Variants in LRRTM4 observed in about 807,000 individuals in gnomAD.
LRRTM4 encodes the protein leucine rich repeat transmembrane neuronal 4.
In LRRTM4, 25 loss-of-function variants were observed where a neutral mutation model predicts 47.6. The ratio of observed to expected loss-of-function variants is 0.53; its 90% CI spans 0.38 to 0.73. The LOEUF is 0.73. LRRTM4 is among the 30% of genes least tolerant of loss of function. The pLI, the probability that LRRTM4 is intolerant of heterozygous loss-of-function variation, is 0.00. For synonymous variants in LRRTM4, 311 were observed against 269.5 expected (o/e 1.15, Z -1.51); for missense variants, 638 against 713.4 (o/e 0.89, Z 1.20).
intron 3 of LRRTM4, among the ~76,000 whole-genome samples, chr2:77,153,704 T>C (rs190231218): frequency 5.3e-5 from 8 of 152,286 alleles, no homozygotes; most frequent in African/African-American, 1.9e-4. Context: ...CACTAAAAGT[T>C]ATGAATGCTT....
At chr2:76,886,182 A>G (rs6715191) in intron 3 of LRRTM4, among the ~76,000 whole-genome samples, 20,869 of 152,204 alleles carry the variant, frequency 0.14, 1,734 homozygotes, top group Admixed American at 0.21. Flanking sequence ...TAAAAGGTGT[A>G]TAACATTTTT....
At chr2:76,968,377 TATATATAC>T (rs1367718870) in intron 3 of LRRTM4, among the ~76,000 whole-genome samples, 23 of 130,624 alleles carry the variant, frequency 1.8e-4, no homozygotes, top group African/African-American at 6.8e-4. Flanking sequence ...TATATATATA[TATATATAC>T]ACATACATAC....
intron 3 of LRRTM4, among the ~76,000 whole-genome samples, chr2:77,338,705 C>T (rs889818362): frequency 6.6e-6 from 1 of 151,940 alleles, no homozygotes; most frequent in Non-Finnish European, 1.5e-5. Flanking sequence ...TTCTCAAATA[C>T]CTAAAAATGG....
At chr2:76,924,964 A>G (rs1407980964) in intron 3 of LRRTM4, among the ~76,000 whole-genome samples, 1 of 151,886 alleles carries the variant, frequency 6.6e-6, no homozygotes, top group African/African-American at 2.4e-5. Flanking sequence ...CTCTATTGAC[A>G]CGTGCCTTTG....
chr2:76,892,852 T>G (rs543120851), intron 3 of LRRTM4, among the ~76,000 whole-genome samples: 2 of 151,772 alleles, frequency 1.3e-5, no homozygotes, highest in South Asian at 2.1e-4. Context: ...TCCTCAAAAA[T>G]TTATTTGGGA....
intron 3 of LRRTM4, among the ~76,000 whole-genome samples, chr2:77,086,863 C>T (rs1680734087): frequency 6.6e-6 from 1 of 151,998 alleles, no homozygotes; most frequent in Non-Finnish European, 1.5e-5. Context: ...ATTAACAACA[C>T]AATTCAACGT....
intron 3 of LRRTM4, chr2:76,989,677 G>C (rs1676934548): frequency 1.0e-5 from 1 of 95,620 alleles, no homozygotes; most frequent in South Asian, 3.1e-4. Context: ...ATGGATCTCA[G>C]TGTGTTATTG....
chr2:76,810,692 T>C (rs1475619336), intron 3 of LRRTM4, among the ~76,000 whole-genome samples: 1 of 152,182 alleles, frequency 6.6e-6, no homozygotes, highest in Non-Finnish European at 1.5e-5. Flanking sequence ...TTAACTTCCT[T>C]ATTTAGTTTC....
intron 3 of LRRTM4, among the ~76,000 whole-genome samples, chr2:77,393,056 A>G (rs1673564824): frequency 1.3e-5 from 2 of 152,048 alleles, no homozygotes; most frequent in African/African-American, 4.8e-5. Context: ...ACAAAACATT[A>G]GAGCACACTA....
At chr2:76,779,736 TA>T (rs1465126593) in intron 3 of LRRTM4, among the ~76,000 whole-genome samples, 1 of 152,196 alleles carries the variant, frequency 6.6e-6, no homozygotes, top group African/African-American at 2.4e-5. Flanking sequence ...CTGTGTCTTT[TA>T]ATTGGAGCAT....
intron 3 of LRRTM4, among the ~76,000 whole-genome samples, chr2:77,422,418 A>T (rs564086482): frequency 2.0e-5 from 3 of 152,354 alleles, no homozygotes; most frequent in Non-Finnish European, 2.9e-5. Flanking sequence ...AAATGGTACC[A>T]GCAAGTTGCA....
At chr2:77,173,351 G>C (rs772308799) in intron 3 of LRRTM4, among the ~76,000 whole-genome samples, 7 of 152,010 alleles carry the variant, frequency 4.6e-5, no homozygotes, top group Non-Finnish European at 7.4e-5. Context: ...TTTTATTTTT[G>C]ATCTCCTCAT....
chr2:77,174,018 T>A (rs1673125745), intron 3 of LRRTM4, among the ~76,000 whole-genome samples: 1 of 152,132 alleles, frequency 6.6e-6, no homozygotes, highest in Non-Finnish European at 1.5e-5. Flanking sequence ...CCTTGGAGTA[T>A]CTTTTGGAAG....
At chr2:76,789,352 C>T (rs540992886) in intron 3 of LRRTM4, among the ~76,000 whole-genome samples, 40 of 152,310 alleles carry the variant, frequency 2.6e-4, no homozygotes, top group Admixed American at 6.5e-4. Context: ...TGCTGTCCCT[C>T]GCAGCCTCTT....
chr2:77,362,115 GAGAAAGAAAGAA>G (rs1230993221), intron 3 of LRRTM4, among the ~76,000 whole-genome samples: 133 of 98,828 alleles, frequency 1.3e-3, no homozygotes, highest in African/African-American at 3.2e-3. Context: ...GAAAGAAAGA[GAGAAAGAAAGAA>G]AGAAAGAAAG....
intron 3 of LRRTM4, among the ~76,000 whole-genome samples, chr2:77,142,215 A>G (rs1399319942): frequency 6.6e-6 from 1 of 152,156 alleles, no homozygotes; most frequent in Non-Finnish European, 1.5e-5. Context: ...ATGTATTAGA[A>G]CATTTACAAC....
chr2:77,517,018 A>C lies in LRRTM4; in HGVS notation c.1551+1300T>G, dbSNP rs575848073. On this transcript the variant is annotated intron_variant, in intron 3 of 3. Coordinates refer to ENST00000409884, the MANE Select transcript of LRRTM4 (RefSeq NM_001134745.3). ...TGTCTTTTGAAAGAGTGATCATCTA[A>C]AATCAGATACTAAAACATTATATTG... The C allele has an allele frequency of 2.6e-5, 26 of 984,882 alleles. No homozygotes were observed. The South Asian group carries it at 1.0e-3, about 39-fold the overall frequency. The allele number at this position is 984,882 out of a possible 1,614,324, so 61.0% of individuals were successfully genotyped here.
chr2:77,500,007 T>C (rs1295875143), intron 3 of LRRTM4, among the ~76,000 whole-genome samples: 1 of 151,848 alleles, frequency 6.6e-6, no homozygotes, highest in Non-Finnish European at 1.5e-5. Flanking sequence ...AAAGTGATAC[T>C]TCTTTTTATA....
intron 3 of LRRTM4, among the ~76,000 whole-genome samples, chr2:77,016,873 T>A (rs903031695): frequency 6.6e-6 from 1 of 152,118 alleles, no homozygotes; most frequent in Admixed American, 6.6e-5. Context: ...TGATACTTTA[T>A]TGACTTTTTT....
Sources: gnomAD v4.1 joint callset for allele counts (sites outside exome capture counted in the v4.1 genomes callset) on GRCh38, gnomAD v4.1.1 for gene constraint, MANE v1.5 for transcripts, NCBI Gene and HGNC (gene_info 2026-07-23, HGNC 2026-07-21) for gene names.